The following KDM4C variants were observed in gnomAD, a reference collection of about 807,000 sequenced individuals.
KDM4C encodes lysine-specific demethylase 4C.
In KDM4C, 81 loss-of-function variants were observed where a neutral mutation model predicts 129.3. The ratio of observed to expected loss-of-function variants is 0.63; its 90% CI spans 0.52 to 0.75. The LOEUF (loss-of-function observed/expected upper bound fraction) is 0.75, where lower values mean the gene tolerates loss of function less well. Among genes scored for constraint, KDM4C ranks in the 30% least tolerant of loss-of-function variants. The pLI is 0.00. For missense variants in KDM4C, 1,457 were observed against 1,304.0 expected, an observed-to-expected ratio of 1.12 and a Z score of -1.81; for synonymous variants, 573 against 456.1, an observed-to-expected ratio of 1.26 and a Z score of -3.26.
chr9:6,865,008 C>CTTTTTTTTTTTTTTTTTTTTT (rs777981928), intron 5 of KDM4C, among the ~76,000 whole-genome samples: 1 of 126,584 alleles, frequency 7.9e-6, no homozygotes, highest in Non-Finnish European at 1.6e-5. Context: ...AAATTTCTTT[C>CTTTTTTTTTTTTTTTTTTTTT]TTTTTTTTTT....
chr9:7,042,386 T>A (rs1828746185), intron 15 of KDM4C, among the ~76,000 whole-genome samples: 2 of 152,118 alleles, frequency 1.3e-5, no homozygotes, highest in Non-Finnish European at 2.9e-5. Flanking sequence ...AATCTTGGTT[T>A]GTTTTAAATG....
chr9:6,828,360 G>T (rs562223583), intron 4 of KDM4C, among the ~76,000 whole-genome samples: 73 of 151,938 alleles, frequency 4.8e-4, no homozygotes, highest in Non-Finnish European at 8.1e-4. Flanking sequence ...TGTCAGACAG[G>T]CTGGTCTCAA....
chr9:7,088,154 G>A (rs924813282), intron 17 of KDM4C, among the ~76,000 whole-genome samples: 1 of 152,182 alleles, frequency 6.6e-6, no homozygotes, highest in Non-Finnish European at 1.5e-5. Context: ...TGGCTCCCCC[G>A]TATCCACTTG....
intron 1 of KDM4C, among the ~76,000 whole-genome samples, chr9:6,778,947 C>T (rs1182247772): frequency 6.6e-6 from 1 of 151,390 alleles, no homozygotes; most frequent in Admixed American, 6.6e-5. Context: ...GTCTTTAACT[C>T]CTGACCTCAG....
At chr9:7,009,337 A>G (rs534291965) in intron 12 of KDM4C, among the ~76,000 whole-genome samples, 1 of 152,350 alleles carries the variant, frequency 6.6e-6, no homozygotes, top group African/African-American at 2.4e-5. Context: ...TTTCATGGAA[A>G]AAGTGGCGTT....
intron 10 of KDM4C, among the ~76,000 whole-genome samples, chr9:6,985,740 G>A (rs984802305): frequency 6.6e-6 from 1 of 151,962 alleles, no homozygotes; most frequent in African/African-American, 2.4e-5. Context: ...GCCCAGGCTG[G>A]AGTGCCGTGG....
intron 1 of KDM4C, chr9:6,727,443 C>G: frequency 6.6e-6 from 1 of 150,474 alleles, no homozygotes; most frequent in Non-Finnish European, 1.5e-5. Context: ...AAGAGCGAAA[C>G]TTTGTATCAT....
chr9:6,728,508 C>T (rs4742249), intron 1 of KDM4C, among the ~76,000 whole-genome samples: 41,492 of 150,936 alleles, frequency 0.27, 6,826 homozygotes, highest in African/African-American at 0.44. Context: ...CACTCCAGCC[C>T]GGGCAAGCAA....
intron 15 of KDM4C, among the ~76,000 whole-genome samples, chr9:7,019,040 A>T (rs926334506): frequency 2.6e-5 from 4 of 152,164 alleles, no homozygotes; most frequent in Non-Finnish European, 5.9e-5. Flanking sequence ...TTTTCAGCGT[A>T]TCCATTTGAG....
rs1050624103 is a variant in KDM4C, at chr9:6,888,889, G to A, written c.783+826G>A. ...TGCAAGCTCCGCCTCCCGGGTTCAC[G>A]CCATTCTCCTGCCTCAGCCTCCCAA... On this transcript the variant is annotated intron_variant, in intron 7 of 21. Coordinates refer to ENST00000381309, the MANE Select transcript of KDM4C (RefSeq NM_015061.6). Among the ~76,000 whole-genome samples, 11 of 38,904 alleles carry A rather than the reference G, an allele frequency of 2.8e-4. 2 individuals carry two copies. The highest frequency in any genetic ancestry group is 1.1e-3 in the Admixed American group (5 of 4,730). The allele number at this position is 38,904 out of a possible 152,430, so 25.5% of individuals were successfully genotyped here. A position where few individuals can be genotyped will look rare whatever the true frequency, so the allele number is the denominator to read the frequency against.
At chr9:7,147,380 C>T (rs904907628) in intron 19 of KDM4C, among the ~76,000 whole-genome samples, 1 of 152,196 alleles carries the variant, frequency 6.6e-6, no homozygotes, top group Non-Finnish European at 1.5e-5. Flanking sequence ...CCCTGCGTGC[C>T]TATCCTTAGC....
At chr9:7,002,606 A>G (rs771804944) in intron 12 of KDM4C, among the ~76,000 whole-genome samples, 1 of 152,236 alleles carries the variant, frequency 6.6e-6, no homozygotes, top group African/African-American at 2.4e-5. Flanking sequence ...TCCCAAGGAT[A>G]TGCCAGCTTT....
chr9:6,986,214 T>TGC, intron 10 of KDM4C, 130 bp from the exon 11 acceptor site: 1 of 631,282 alleles, frequency 1.6e-6, no homozygotes. Context: ...TTTGTGTGTG[T>TGC]GCATGTATGT....
At chr9:6,884,713 A>G (rs1205098295) in intron 6 of KDM4C, among the ~76,000 whole-genome samples, 1 of 152,094 alleles carries the variant, frequency 6.6e-6, no homozygotes, top group Non-Finnish European at 1.5e-5. Context: ...TCTTCACCAA[A>G]TTAGTGTTTG....
chr9:6,854,045 ATAG>A (rs1341487353), intron 5 of KDM4C, among the ~76,000 whole-genome samples: 2 of 152,068 alleles, frequency 1.3e-5, no homozygotes, highest in African/African-American at 4.8e-5. Context: ...TTTTTTAGTC[ATAG>A]TAGTTACTTA....
intron 5 of KDM4C, among the ~76,000 whole-genome samples, chr9:6,878,958 C>T (rs73403302): frequency 0.052 from 7,878 of 152,272 alleles, 699 homozygotes; most frequent in African/African-American, 0.18. Context: ...TCGGTTGGAA[C>T]AATTTCATTA....
At chr9:7,085,234 CA>C (rs1834976050) in intron 17 of KDM4C, among the ~76,000 whole-genome samples, 1 of 152,230 alleles carries the variant, frequency 6.6e-6, no homozygotes, top group Admixed American at 6.5e-5. Flanking sequence ...ATATTTGGCT[CA>C]GGGCCATTGT....
At chr9:6,849,988 CT>C (rs1838544521) in intron 5 of KDM4C, among the ~76,000 whole-genome samples, 1 of 152,110 alleles carries the variant, frequency 6.6e-6, no homozygotes, top group South Asian at 2.1e-4. Context: ...TTGAAAAATT[CT>C]TTTTCCATGT....
chr9:6,732,726 G>C (rs140002411), intron 1 of KDM4C, among the ~76,000 whole-genome samples: 1 of 152,210 alleles, frequency 6.6e-6, no homozygotes, highest in East Asian at 1.9e-4. Context: ...GTACCACCAC[G>C]TGGTGGCTGG....
Sources: allele counts gnomAD v4.1 joint callset (sites outside exome capture counted in the v4.1 genomes callset), GRCh38; gene constraint gnomAD v4.1.1; transcripts MANE v1.5; gene names NCBI Gene and HGNC (gene_info 2026-07-23, HGNC 2026-07-21).